Variants in DLGAP2 observed in about 807,000 individuals in gnomAD.
DLGAP2 encodes the protein DLG associated protein 2, also known as disks large-associated protein 2.
In DLGAP2, 26 loss-of-function variants were observed where a neutral mutation model predicts 100.3. The ratio of observed to expected loss-of-function variants is 0.26; its 90% CI spans 0.19 to 0.36. The LOEUF is 0.36. Ranked by LOEUF, DLGAP2 falls within the 10% of genes least tolerant of loss-of-function variation. The pLI is 1.00. For missense variants in DLGAP2, 1,858 were observed against 1,453.2 expected, an observed-to-expected ratio of 1.28 and a Z score of -4.53; for synonymous variants, 886 against 630.1, an observed-to-expected ratio of 1.41 and a Z score of -6.08.
chr8:1,296,801 G>A (rs1289967918), intron 3 of DLGAP2, among the ~76,000 whole-genome samples: 12 of 152,194 alleles, frequency 7.9e-5, no homozygotes, highest in African/African-American at 2.4e-4. Flanking sequence ...GGTGTGGTGG[G>A]TGCACAGCCG....
Position 771,989 on chromosome 8 carries a change from A to G in DLGAP2, c.18+34164A>G, listed in dbSNP as rs145611383. On this transcript the variant is annotated intron_variant, in intron 1 of 14. Coordinates refer to ENST00000637795, the MANE Select transcript of DLGAP2 (RefSeq NM_001346810.2). Reference sequence around the variant, plus strand: ...ACCATCATAGCTCACTATAGCCTCCAACTCCTGGACTCAAGCGATCCTCTT... The same window carrying G: ...ACCATCATAGCTCACTATAGCCTCCGACTCCTGGACTCAAGCGATCCTCTT... Among the ~76,000 whole-genome samples, 820 of 151,858 alleles carry G rather than the reference A, an allele frequency of 5.4e-3. 8 individuals carry two copies. The highest frequency in any genetic ancestry group is 0.022 in the Admixed American group (331 of 15,262).
intron 3 of DLGAP2, among the ~76,000 whole-genome samples, chr8:1,338,018 C>T (rs12543586): frequency 0.44 from 66,435 of 152,142 alleles, 17,675 homozygotes; most frequent in African/African-American, 0.75. Flanking sequence ...ACGGCTGTCA[C>T]TGAAGAATGG....
intron 2 of DLGAP2, among the ~76,000 whole-genome samples, chr8:1,085,348 G>T (rs932289151): frequency 6.6e-6 from 1 of 152,154 alleles, no homozygotes; most frequent in South Asian, 2.1e-4. Flanking sequence ...TTGGGCAGAA[G>T]CCTTCTATTT....
At chr8:1,330,258 G>GGAGCGTGAAGAGACTGCAATGCCAGGGA in intron 3 of DLGAP2, among the ~76,000 whole-genome samples, 6 of 152,034 alleles carry the variant, frequency 3.9e-5, no homozygotes, top group African/African-American at 1.4e-4. Flanking sequence ...CCGCTTCGCA[G>GGAGCGTGAAGAGACTGCAATGCCAGGGA]GGACTGAGTT....
rs139337649 is a variant in DLGAP2 at position 1,195,365 on chromosome 8, C to T, written c.74-63486C>T. ...TGGAGGCCTGGCCAGATGCACGCAG[C>T]CACCGACAGGTCAGAGACGGAGGAT... On this transcript the variant is annotated intron_variant, in intron 2 of 14. Transcript: ENST00000637795. Among the ~76,000 whole-genome samples, 891 of 152,302 alleles carry T rather than the reference C, an allele frequency of 5.9e-3. 7 individuals carry two copies. The highest frequency in any genetic ancestry group is 0.01 in the Middle Eastern group (3 of 294).
intron 3 of DLGAP2, among the ~76,000 whole-genome samples, chr8:1,475,030 C>T (rs1798893865): frequency 6.6e-6 from 1 of 152,204 alleles, no homozygotes; most frequent in Non-Finnish European, 1.5e-5. Context: ...TGCATACACA[C>T]CATGGAATAC....
chr8:842,507 G>A (rs1393267962), intron 1 of DLGAP2, among the ~76,000 whole-genome samples: 7 of 152,078 alleles, frequency 4.6e-5, no homozygotes, highest in Non-Finnish European at 8.8e-5. Flanking sequence ...GCTCAGTAAC[G>A]GTATTATTAT....
At chr8:1,134,010 C>T (rs1796351777) in intron 2 of DLGAP2, among the ~76,000 whole-genome samples, 2 of 152,064 alleles carry the variant, frequency 1.3e-5, no homozygotes, top group Admixed American at 6.5e-5. Flanking sequence ...CCTCCACCTC[C>T]CACAGGCCCC....
intron 6 of DLGAP2, among the ~76,000 whole-genome samples, chr8:1,616,247 G>T (rs1367311502): frequency 6.6e-6 from 1 of 152,158 alleles, no homozygotes; most frequent in Non-Finnish European, 1.5e-5. Flanking sequence ...TAGAGCCTCA[G>T]TAATATGTGT....
chr8:1,280,045 G>C (rs991673513), intron 3 of DLGAP2, among the ~76,000 whole-genome samples: 1 of 152,218 alleles, frequency 6.6e-6, no homozygotes, highest in African/African-American at 2.4e-5. Flanking sequence ...GTAACTTGCT[G>C]ACATGCACTC....
At chr8:1,102,474 C>G (rs1284079399) in intron 2 of DLGAP2, among the ~76,000 whole-genome samples, 1 of 151,674 alleles carries the variant, frequency 6.6e-6, no homozygotes, top group Non-Finnish European at 1.5e-5. Context: ...GACTAAGTCT[C>G]TTAAATGAGA....
chr8:1,050,573 C>T (rs558877212), intron 2 of DLGAP2, among the ~76,000 whole-genome samples: 25 of 152,150 alleles, frequency 1.6e-4, no homozygotes, highest in South Asian at 6.2e-4. Flanking sequence ...AGCCAAGGAG[C>T]GCCTGTCCCT....
At chr8:1,108,862 C>T (rs1206438073) in intron 2 of DLGAP2, among the ~76,000 whole-genome samples, 17 of 103,344 alleles carry the variant, frequency 1.6e-4, no homozygotes, top group African/African-American at 5.2e-4. Flanking sequence ...GAGGTGTGCA[C>T]GGGTCTGTGA....
At chr8:1,695,018 C>T (rs899041016) in intron 13 of DLGAP2, among the ~76,000 whole-genome samples, 6 of 152,166 alleles carry the variant, frequency 3.9e-5, no homozygotes, top group African/African-American at 1.2e-4. Flanking sequence ...GCCCAAAGGA[C>T]GGGTGTGTTG....
intron 3 of DLGAP2, among the ~76,000 whole-genome samples, chr8:1,337,461 A>ATGGTG (rs1801313378): frequency 0.011 from 41 of 3,894 alleles, no homozygotes; most frequent in South Asian, 0.048. Flanking sequence ...TGATGGTGAG[A>ATGGTG]ATGGTGAGGA....
intron 1 of DLGAP2, among the ~76,000 whole-genome samples, chr8:854,541 CAT>C (rs1365368056): frequency 9.2e-5 from 14 of 152,062 alleles, no homozygotes; most frequent in Admixed American, 3.3e-4. Flanking sequence ...GCCGGACTGA[CAT>C]GTGTGTTCAT....
intron 2 of DLGAP2, among the ~76,000 whole-genome samples, chr8:1,232,485 G>A (rs781595563): frequency 1.3e-4 from 20 of 152,182 alleles, no homozygotes; most frequent in Non-Finnish European, 2.4e-4. Flanking sequence ...TGCCTCCTCC[G>A]TCTCGAACCT....
chr8:846,983 C>A (rs561111775), intron 1 of DLGAP2, among the ~76,000 whole-genome samples: 33 of 152,250 alleles, frequency 2.2e-4, no homozygotes, highest in African/African-American at 7.2e-4. Context: ...TACTACTAAG[C>A]TTATATATCC....
Position 1,124,770 on chromosome 8 carries a change from G to A in DLGAP2, c.74-134081G>A, listed in dbSNP as rs150303228. Among the ~76,000 whole-genome samples, 9 of 152,238 alleles carry A rather than the reference G, an allele frequency of 5.9e-5. No homozygotes were observed. The South Asian group carries it at 1.0e-3, about 18-fold the overall frequency. On this transcript the variant is annotated intron_variant, in intron 2 of 14. Transcript: ENST00000637795. The stretch of plus-strand genomic sequence containing the variant: ...ATCTGAAATGCCACACACAGCCCCC[G>A]TGTGGTGTTTTCATTTTTCCCATCA...
Sources: gnomAD v4.1 joint callset for allele counts (sites outside exome capture counted in the v4.1 genomes callset) on GRCh38, gnomAD v4.1.1 for gene constraint, MANE v1.5 for transcripts, NCBI Gene and HGNC (gene_info 2026-07-23, HGNC 2026-07-21) for gene names.